The following TBC1D9 variants were observed in gnomAD, a reference collection of about 807,000 sequenced individuals.
The protein encoded by TBC1D9 is TBC1 domain family member 9A.
Under a neutral mutation model 132.0 loss-of-function variants are expected in TBC1D9, and 63 were observed. The observed-to-expected ratio is 0.48, with a 90% CI of 0.39 to 0.59. The LOEUF (loss-of-function observed/expected upper bound fraction) is 0.59. Among genes scored for constraint, TBC1D9 ranks in the 20% least tolerant of loss-of-function variants. The probability of loss-of-function intolerance (pLI) is 0.00; values close to 1 mark genes in which losing one functional copy is unlikely to be tolerated. For missense variants in TBC1D9, 1,261 were observed against 1,592.7 expected (o/e 0.79, Z 3.54); for synonymous variants, 610 against 609.9 (o/e 1.00, Z 0.00).
At chr4:140,644,957 C>T in intron 13 of TBC1D9, 1 of 455,616 alleles carries the variant, frequency 2.2e-6, no homozygotes, top group Non-Finnish European at 4.4e-6. Context: ...ATGGAGGTCC[C>T]AAGCCCCAGG....
chr4:140,691,410 T>C (rs1034459419), intron 2 of TBC1D9, among the ~76,000 whole-genome samples: 1 of 152,186 alleles, frequency 6.6e-6, no homozygotes, highest in Non-Finnish European at 1.5e-5. Flanking sequence ...TTAGAACTTA[T>C]TAAAGTGAGA....
chr4:140,642,187 T>C, intron 13 of TBC1D9: 1 of 762,328 alleles, frequency 1.3e-6, no homozygotes, highest in Non-Finnish European at 2.4e-6. Flanking sequence ...AGTTTGGAGC[T>C]AGCCGGAGGG....
intron 3 of TBC1D9, among the ~76,000 whole-genome samples, chr4:140,684,003 A>C (rs1737744034): frequency 6.6e-6 from 1 of 152,242 alleles, no homozygotes. Flanking sequence ...CAATTATGGA[A>C]TAATAACTAA....
chr4:140,650,300 A>C (rs1264042091), intron 13 of TBC1D9, among the ~76,000 whole-genome samples: 1 of 152,244 alleles, frequency 6.6e-6, no homozygotes, highest in Non-Finnish European at 1.5e-5. Context: ...AAAAAACAGT[A>C]ATCTTCAAAT....
intron 1 of TBC1D9, among the ~76,000 whole-genome samples, chr4:140,728,586 T>C (rs2111065018): frequency 6.6e-6 from 1 of 152,036 alleles, no homozygotes; most frequent in African/African-American, 2.4e-5. Flanking sequence ...CTTCACCTCC[T>C]GGGTTCAAGC....
chr4:140,741,667 G>C (rs1367257855), intron 1 of TBC1D9, among the ~76,000 whole-genome samples: 1 of 152,186 alleles, frequency 6.6e-6, no homozygotes, highest in East Asian at 1.9e-4. Context: ...GCAGTGAGCA[G>C]AGATCATGCC....
At position 140,627,360 on chromosome 4, in the gene TBC1D9, C is replaced by T. The variant is rs1041664894; in HGVS notation, c.2899+81G>A. ...TTTACATACTTCTTTGATTGACTAG[C>T]TTTGGAGGCAAGTCTTTTTCCAATA... On this transcript the variant is annotated intron_variant, in intron 18 of 20. Transcript: ENST00000442267. The T allele has an allele frequency of 5.6e-5, 49 of 870,348 alleles. No homozygotes were observed. The Admixed American group carries it at 1.1e-3, about 19-fold the overall frequency. 53.9% of individuals were successfully genotyped at this position (870,348 alleles called of 1,614,324 possible).
chr4:140,685,846 G>A (rs1406375729), intron 3 of TBC1D9, among the ~76,000 whole-genome samples: 2 of 152,128 alleles, frequency 1.3e-5, no homozygotes, highest in East Asian at 3.8e-4. Flanking sequence ...TGTGAAGGTG[G>A]GACAGGGAAC....
In TBC1D9 at chr4:140,643,760, C is replaced by T. The variant is rs1737051045; in HGVS notation, c.2338-4332G>A. ...AATCCACGCATGCTTCAGGCCCCTC[C>T]GCAAAGTCTGGGCACTCAGAGGGCT... On this transcript the variant is annotated intron_variant, in intron 13 of 20. Coordinates refer to ENST00000442267, the MANE Select transcript of TBC1D9 (RefSeq NM_015130.3). 7.4e-6 allele frequency: 8 copies of T among 1,084,206 alleles called. No homozygotes were observed. In the East Asian group the frequency reaches 7.4e-5, roughly 10 times the overall value. 67.2% of individuals were successfully genotyped at this position (1,084,206 alleles called of 1,614,324 possible). A position where few individuals can be genotyped will look rare whatever the true frequency, so the allele number is the denominator to read the frequency against.
At position 140,677,063 on chromosome 4, in the gene TBC1D9, G is replaced by T; in HGVS notation, c.890C>A (p.Ala297Glu). 6.2e-7 allele frequency: 1 copy of T among 1,613,896 alleles called. No homozygotes were observed. The highest frequency in any genetic ancestry group is 8.5e-7 in the Non-Finnish European group (1 of 1,179,864). Residue 297 changes from alanine (A) to glutamate (E), a missense_variant, in exon 6 of 21, where the codon GCA (alanine) becomes GAA (glutamate). Around this residue, in one of 3 missense-constraint regions of TBC1D9, gnomAD observed 550 missense variants for 699.0 expected, o/e 0.79. Transcript: ENST00000442267. ...TTCATCTTTGGGCAGCCGGAAAAGT[G>T]CACGGTATCTCTCACTCTTTGCCCT... ...DARAKSERYRALFRLPKDEKL... is the reference protein window; with the variant it reads ...DARAKSERYRELFRLPKDEKL...
intron 1 of TBC1D9, among the ~76,000 whole-genome samples, chr4:140,726,910 C>A (rs1432038107): frequency 6.6e-6 from 1 of 152,166 alleles, no homozygotes; most frequent in African/African-American, 2.4e-5. Flanking sequence ...CAAGCTGCCT[C>A]TGTCATTTAC....
At position 140,676,893 on chromosome 4, in the gene TBC1D9, C is replaced by T. The variant is rs372467577; in HGVS notation, c.1059+1G>A. On this transcript the variant is annotated splice_donor_variant, in intron 6 of 20. Transcript: ENST00000442267. LOFTEE classifies it high-confidence loss of function. Reference sequence around the variant, plus strand: ...AATATCAATTTTTATCAGATACTTACCTCACGGAGCGGGATAATGAGGCTA... The same window carrying T: ...AATATCAATTTTTATCAGATACTTATCTCACGGAGCGGGATAATGAGGCTA... 5.6e-5 allele frequency: 91 copies of T among 1,613,612 alleles called. No homozygotes were observed. Among genetic ancestry groups the T allele is most frequent in the Non-Finnish European group, 6.5e-5 (77 of 1,179,780 alleles).
chr4:140,637,802 T>C (rs1477022647), intron 15 of TBC1D9, among the ~76,000 whole-genome samples: 1 of 152,196 alleles, frequency 6.6e-6, no homozygotes, highest in Non-Finnish European at 1.5e-5. Context: ...ATGCTGATGC[T>C]GCACCAAGCG....
At position 140,655,955 on chromosome 4, in the gene TBC1D9, A is replaced by T. The variant is rs75216170; in HGVS notation, c.2337+1142T>A. On this transcript the variant is annotated intron_variant, in intron 13 of 20. Coordinates refer to ENST00000442267, the MANE Select transcript of TBC1D9 (RefSeq NM_015130.3). The stretch of plus-strand genomic sequence containing the variant: ...AACAGCCCCTACTTAATCTACAAAG[A>T]GTTCAATCTGAGCTGCTACTAGATC... Among the ~76,000 whole-genome samples, 325 of 152,262 alleles carry T rather than the reference A, an allele frequency of 2.1e-3. 2 individuals are homozygous for T. Among genetic ancestry groups the T allele is most frequent in the African/African-American group, 7.4e-3 (307 of 41,536 alleles).
chr4:140,651,082 G>A (rs181385803), intron 13 of TBC1D9, among the ~76,000 whole-genome samples: 14 of 152,306 alleles, frequency 9.2e-5, no homozygotes, highest in Admixed American at 8.5e-4. Flanking sequence ...GCACACATAG[G>A]TAAAACAATT....
chr4:140,714,084 G>A (rs1017623871), intron 1 of TBC1D9, among the ~76,000 whole-genome samples: 33 of 152,272 alleles, frequency 2.2e-4, no homozygotes, highest in African/African-American at 6.5e-4. Context: ...ACAGAATAAG[G>A]CAACCTTGTG....
intron 2 of TBC1D9, among the ~76,000 whole-genome samples, chr4:140,700,459 A>C (rs1048010043): frequency 2.6e-5 from 4 of 151,684 alleles, no homozygotes; most frequent in African/African-American, 9.7e-5. Context: ...CAAAAAAAAA[A>C]CAAAAAAAAA....
intron 1 of TBC1D9, among the ~76,000 whole-genome samples, chr4:140,734,506 C>T (rs762587264): frequency 1.2e-4 from 19 of 152,144 alleles, no homozygotes; most frequent in African/African-American, 3.6e-4. Context: ...CCATACATAA[C>T]GCAGGCCAGG....
intron 15 of TBC1D9, among the ~76,000 whole-genome samples, chr4:140,634,555 T>G (rs1004871069): frequency 6.6e-6 from 1 of 152,150 alleles, no homozygotes; most frequent in African/African-American, 2.4e-5. Flanking sequence ...TTAAATAGAA[T>G]GCTACTTGAA....
Sources: gnomAD v4.1 joint callset for allele counts (sites outside exome capture counted in the v4.1 genomes callset) on GRCh38, gnomAD v4.1.1 for gene constraint, gnomAD v4.1.1 regional missense constraint, MANE v1.5 for transcripts, NCBI Gene and HGNC (gene_info 2026-07-23, HGNC 2026-07-21) for gene names.